Variants in RARB observed in about 807,000 individuals in gnomAD.
RARB encodes the protein retinoic acid receptor beta.
A neutral mutation model predicts 51.9 loss-of-function variants in RARB; 17 were observed. The observed-to-expected ratio is 0.33, with a 90% CI of 0.22 to 0.49. RARB has a LOEUF of 0.49. RARB is among the 20% of genes least tolerant of loss of function. The pLI is 0.99. For missense variants in RARB, 369 were observed against 550.8 expected (o/e 0.67, Z 3.30); for synonymous variants, 215 against 195.4 (o/e 1.10, Z -0.84).
intron 2 of RARB, among the ~76,000 whole-genome samples, chr3:24,908,576 G>T (rs1694917302): frequency 6.6e-6 from 1 of 150,458 alleles, no homozygotes; most frequent in African/African-American, 2.4e-5. Context: ...CAGAAATGAG[G>T]TCAACTTGAG....
At chr3:24,954,662 G>A (rs913431786) in intron 2 of RARB, among the ~76,000 whole-genome samples, 2 of 152,074 alleles carry the variant, frequency 1.3e-5, no homozygotes, top group East Asian at 1.9e-4. Flanking sequence ...CAATAGAGAG[G>A]GAGAGAAGGG....
intron 5 of RARB, among the ~76,000 whole-genome samples, chr3:25,357,971 G>A (rs1354106323): frequency 6.6e-6 from 1 of 152,090 alleles, no homozygotes; most frequent in Non-Finnish European, 1.5e-5. Context: ...TTTTTGCTTA[G>A]GATTGTCTTG....
intron 5 of RARB, among the ~76,000 whole-genome samples, chr3:25,254,947 G>C (rs1316869195): frequency 6.6e-6 from 1 of 152,092 alleles, no homozygotes; most frequent in Non-Finnish European, 1.5e-5. Flanking sequence ...TGACAGTTTG[G>C]ACTTTTTAGG....
intron 2 of RARB, among the ~76,000 whole-genome samples, chr3:24,883,786 T>A (rs1423398172): frequency 6.6e-6 from 1 of 152,132 alleles, no homozygotes; most frequent in Non-Finnish European, 1.5e-5. Context: ...AGCAAACAAG[T>A]ACCTAACAAA....
At chr3:25,575,275 C>T (rs73151320) in intron 4 of RARB, among the ~76,000 whole-genome samples, 1,865 of 152,260 alleles carry the variant, frequency 0.012, 41 homozygotes, top group African/African-American at 0.042. Context: ...TCCTGCCGTG[C>T]GGCCCAGTTC....
intron 2 of RARB, among the ~76,000 whole-genome samples, chr3:25,487,320 G>A (rs377329231): frequency 2.3e-4 from 35 of 152,314 alleles, no homozygotes; most frequent in African/African-American, 7.2e-4. Context: ...CTCAGCGTGC[G>A]ATGTGGTTTC....
chr3:24,993,757 A>G (rs114774902), intron 2 of RARB, among the ~76,000 whole-genome samples: 4,521 of 152,194 alleles, frequency 0.03, 202 homozygotes, highest in African/African-American at 0.1. Context: ...AACATGTGGT[A>G]TTTAACTCTC....
intron 5 of RARB, among the ~76,000 whole-genome samples, chr3:25,354,881 TC>T (rs562317676): frequency 2.5e-4 from 1 of 4,076 alleles, no homozygotes; most frequent in East Asian, 0.014. Flanking sequence ...GTTTGCAAAG[TC>T]TTTTTTTTTT....
chr3:25,318,647 C>A (rs1306214282), intron 5 of RARB, among the ~76,000 whole-genome samples: 1 of 152,024 alleles, frequency 6.6e-6, no homozygotes, highest in Admixed American at 6.5e-5. Context: ...CTGCTCAAGT[C>A]CTTATTAAAG....
At chr3:25,423,667 A>G (rs894455750), upstream of RARB, among the ~76,000 whole-genome samples, 2 of 152,252 alleles carry the variant, frequency 1.3e-5, no homozygotes, top group Non-Finnish European at 2.9e-5. Context: ...TTTTATGAGC[A>G]TGTATTACTT....
chr3:25,153,613 C>T (rs1700328890), intron 4 of RARB, among the ~76,000 whole-genome samples: 1 of 152,150 alleles, frequency 6.6e-6, no homozygotes, highest in African/African-American at 2.4e-5. Flanking sequence ...TGAAAACCTT[C>T]TGAGTTGTTT....
chr3:25,451,214 G>A (rs969545336), intron 1 of RARB, among the ~76,000 whole-genome samples: 1 of 152,238 alleles, frequency 6.6e-6, no homozygotes, highest in African/African-American at 2.4e-5. Context: ...AGCACTTACT[G>A]TGTGTCAGGC....
chr3:25,368,069 C>G (rs978569725), intron 5 of RARB, among the ~76,000 whole-genome samples: 1 of 152,120 alleles, frequency 6.6e-6, no homozygotes, highest in Non-Finnish European at 1.5e-5. Context: ...TTCCTTTATT[C>G]TAAGAATATT....
At chr3:25,003,778 C>G (rs1339108571) in intron 2 of RARB, among the ~76,000 whole-genome samples, 2 of 152,026 alleles carry the variant, frequency 1.3e-5, no homozygotes, top group Non-Finnish European at 2.9e-5. Context: ...GTGATATGAA[C>G]AGATATACAG....
chr3:24,923,244 C>T (rs1391696793), intron 2 of RARB, among the ~76,000 whole-genome samples: 1 of 152,140 alleles, frequency 6.6e-6, no homozygotes, highest in Admixed American at 6.6e-5. Context: ...GCTTAGATAG[C>T]AAACCTCTCT....
chr3:25,164,818 C>G (rs905263897), intron 4 of RARB, among the ~76,000 whole-genome samples: 1 of 152,200 alleles, frequency 6.6e-6, no homozygotes, highest in Non-Finnish European at 1.5e-5. Flanking sequence ...TTTTAACTCT[C>G]TATCTTAAAT....
At chr3:25,237,320 T>A (rs1702326401) in intron 5 of RARB, among the ~76,000 whole-genome samples, 1 of 152,122 alleles carries the variant, frequency 6.6e-6, no homozygotes, top group Non-Finnish European at 1.5e-5. Context: ...TAAAATGATC[T>A]TAATGTAACC....
At chr3:25,320,574 C>T (rs529327492) in intron 5 of RARB, among the ~76,000 whole-genome samples, 1 of 152,308 alleles carries the variant, frequency 6.6e-6, no homozygotes, top group Admixed American at 6.5e-5. Context: ...TTGCATTTTA[C>T]TTTGTTCCTC....
Position 24,897,091 on chromosome 3 carries a change from G to C in RARB, c.-380+38339G>C, listed in dbSNP as rs190917940. 7.9e-5 allele frequency among the ~76,000 whole-genome samples: 12 copies of C among 152,274 alleles called. No individual in the cohort carries two copies. The East Asian group carries it at 2.3e-3, about 29-fold the overall frequency. ...GTCTCTGACACTTATGTCTAAATTA[G>C]ACTGCTGCTAATTAAATAAACGTGT... On this transcript the variant is annotated intron_variant, in intron 2 of 11. Coordinates refer to the RARB transcript ENST00000383772.
Sources: allele counts gnomAD v4.1 joint callset (sites outside exome capture counted in the v4.1 genomes callset), GRCh38; gene constraint gnomAD v4.1.1; transcripts MANE v1.5; gene names NCBI Gene and HGNC (gene_info 2026-07-23, HGNC 2026-07-21).